Variants in GPHN observed in about 807,000 individuals in gnomAD.
GPHN encodes the protein gephyrin.
Under a neutral mutation model 95.5 loss-of-function variants are expected in GPHN, and 17 were observed. That is an observed-to-expected ratio of 0.18 (90% CI 0.12 to 0.27). The LOEUF (loss-of-function observed/expected upper bound fraction) is 0.27. Among genes scored for constraint, GPHN ranks in the 10% least tolerant of loss-of-function variants. The pLI is 1.00. For missense variants in GPHN, 660 were observed against 978.1 expected (o/e 0.67, Z 4.34); for synonymous variants, 320 against 322.5 (o/e 0.99, Z 0.08).
intron 4 of GPHN, among the ~76,000 whole-genome samples, chr14:66,873,557 G>A (rs1255018193): frequency 2.6e-5 from 4 of 152,152 alleles, no homozygotes; most frequent in South Asian, 4.1e-4. Flanking sequence ...GTCGACCTGG[G>A]GCACTCCAGC....
the GPHN span, among the ~76,000 whole-genome samples, chr14:67,274,473 T>C: frequency 1.3e-5 from 2 of 152,136 alleles, no homozygotes; most frequent in African/African-American, 4.8e-5. Flanking sequence ...TCTGTTCCAT[T>C]GGTCTATATC....
chr14:66,555,728 T>C (rs979844346), intron 1 of GPHN, among the ~76,000 whole-genome samples: 4 of 152,170 alleles, frequency 2.6e-5, no homozygotes, highest in African/African-American at 9.7e-5. Context: ...CACTAACTTA[T>C]CTGTTAGTGA....
intron 1 of GPHN, among the ~76,000 whole-genome samples, chr14:66,554,578 T>A (rs2059937674): frequency 6.6e-6 from 1 of 152,138 alleles, no homozygotes; most frequent in Non-Finnish European, 1.5e-5. Flanking sequence ...CTCATAAGAA[T>A]TCATTCGCTA....
chr14:67,676,529 A>G, the GPHN span, among the ~76,000 whole-genome samples: 1 of 152,224 alleles, frequency 6.6e-6, no homozygotes, highest in Admixed American at 6.5e-5. Context: ...CCAGAGTTTG[A>G]GGCCAGCCTG....
chr14:67,345,900 A>T, the GPHN span: 1 of 1,411,484 alleles, frequency 7.1e-7, no homozygotes, highest in East Asian at 2.3e-5. Flanking sequence ...CAACATTTTT[A>T]ATTAGAGTAA....
the GPHN span, among the ~76,000 whole-genome samples, chr14:67,660,970 A>G: frequency 6.6e-6 from 1 of 152,336 alleles, no homozygotes; most frequent in African/African-American, 2.4e-5. Flanking sequence ...GATAGTTCCC[A>G]CAGTCTAGTG....
At chr14:67,076,192 G>T (rs1465697172) in intron 11 of GPHN, among the ~76,000 whole-genome samples, 1 of 152,066 alleles carries the variant, frequency 6.6e-6, no homozygotes, top group Non-Finnish European at 1.5e-5. Flanking sequence ...CCCTCCACCA[G>T]CAAAAACGTT....
At chr14:67,551,869 C>T in the GPHN span, among the ~76,000 whole-genome samples, 111 of 151,480 alleles carry the variant, frequency 7.3e-4, 1 homozygote, top group African/African-American at 2.5e-3. Context: ...CAGTGAGATT[C>T]TGTCTAAAAA....
At chr14:67,406,258 CAAAA>C in the GPHN span, among the ~76,000 whole-genome samples, 1 of 107,224 alleles carries the variant, frequency 9.3e-6, no homozygotes. Flanking sequence ...GATTCCATCT[CAAAA>C]AAAAAAAAAA....
chr14:67,484,377 G>A, the GPHN span, among the ~76,000 whole-genome samples: 7 of 152,178 alleles, frequency 4.6e-5, no homozygotes, highest in African/African-American at 1.7e-4. Context: ...TAAACAGCTA[G>A]CTGCCTCGGT....
intron 8 of GPHN, among the ~76,000 whole-genome samples, chr14:66,953,125 T>C (rs2068222394): frequency 6.6e-6 from 1 of 151,036 alleles, no homozygotes; most frequent in African/African-American, 2.5e-5. Context: ...TTGTGTAGCT[T>C]CTTTGGAAAA....
the GPHN span, among the ~76,000 whole-genome samples, chr14:67,297,683 T>C: frequency 6.7e-6 from 1 of 149,706 alleles, no homozygotes; most frequent in Admixed American, 6.7e-5. Context: ...ATAGAAATAT[T>C]TAAGTAGAAA....
chr14:66,700,298 G>T (rs746516236), intron 2 of GPHN, among the ~76,000 whole-genome samples: 1 of 152,106 alleles, frequency 6.6e-6, no homozygotes, highest in Admixed American at 6.6e-5. Flanking sequence ...GAAATTTAAC[G>T]AATATTTTAT....
chr14:66,562,658 C>G (rs1279587774), intron 1 of GPHN, among the ~76,000 whole-genome samples: 1 of 152,078 alleles, frequency 6.6e-6, no homozygotes, highest in African/African-American at 2.4e-5. Flanking sequence ...GGACTTTGAG[C>G]TACTAAGAAC....
intron 18 of GPHN, among the ~76,000 whole-genome samples, chr14:67,149,821 C>T (rs2081142199): frequency 6.6e-6 from 1 of 152,204 alleles, no homozygotes; most frequent in Admixed American, 6.5e-5. Flanking sequence ...ATCCCTTTTA[C>T]ACCTTAGTGT....
intron 8 of GPHN, among the ~76,000 whole-genome samples, chr14:66,940,388 C>G (rs1389398303): frequency 1.3e-5 from 2 of 151,852 alleles, no homozygotes; most frequent in African/African-American, 4.8e-5. Context: ...TAGCATATAC[C>G]CGAGGTATGT....
the GPHN span, among the ~76,000 whole-genome samples, chr14:67,672,540 G>A: frequency 1.3e-5 from 2 of 149,098 alleles, no homozygotes; most frequent in African/African-American, 4.9e-5. Context: ...CCGCCTCCTG[G>A]GTTCAAGCAA....
chr14:66,723,271 T>G (rs2070921147), intron 2 of GPHN, among the ~76,000 whole-genome samples: 1 of 136,146 alleles, frequency 7.3e-6, no homozygotes, highest in Non-Finnish European at 1.5e-5. Context: ...GAATATAATT[T>G]ATAAAAGTTT....
the GPHN span, chr14:67,650,101 A>G: frequency 6.5e-6 from 1 of 153,620 alleles, no homozygotes; most frequent in Non-Finnish European, 1.4e-5. Flanking sequence ...CAAGTACAAG[A>G]CACTGGGTCA....
Sources: gnomAD v4.1 joint callset for allele counts (sites outside exome capture counted in the v4.1 genomes callset) on GRCh38, gnomAD v4.1.1 for gene constraint, MANE v1.5 for transcripts, NCBI Gene and HGNC (gene_info 2026-07-23, HGNC 2026-07-21) for gene names.